Variants in CDH13 observed in about 807,000 individuals in gnomAD.
CDH13 encodes the protein cadherin-13.
A neutral mutation model predicts 63.8 loss-of-function variants in CDH13; 24 were observed. That is an observed-to-expected ratio of 0.38 (90% CI 0.27 to 0.53). The LOEUF (loss-of-function observed/expected upper bound fraction) is 0.53. Among genes scored for constraint, CDH13 ranks in the 20% least tolerant of loss-of-function variants. The probability of loss-of-function intolerance (pLI) is 0.85; values close to 1 mark genes in which losing one functional copy is unlikely to be tolerated. For synonymous variants in CDH13, 503 were observed against 355.3 expected, an observed-to-expected ratio of 1.42 and a Z score of -4.67; for missense variants, 1,049 against 903.1, an observed-to-expected ratio of 1.16 and a Z score of -2.07.
At chr16:83,725,706 C>A (rs1249212140) in intron 10 of CDH13, 1 of 152,226 alleles carries the variant, frequency 6.6e-6, no homozygotes, top group Non-Finnish European at 1.5e-5. Context: ...TGACTAATTT[C>A]TAATGAGAGT....
At chr16:83,552,025 T>C (rs554074113) in intron 7 of CDH13, among the ~76,000 whole-genome samples, 55 of 152,310 alleles carry the variant, frequency 3.6e-4, no homozygotes, top group African/African-American at 1.3e-3. Flanking sequence ...GAATAAGTAA[T>C]TGAATGGATT....
At chr16:82,696,554 A>C (rs948261763) in intron 1 of CDH13, among the ~76,000 whole-genome samples, 14 of 152,208 alleles carry the variant, frequency 9.2e-5, no homozygotes, top group African/African-American at 3.4e-4. Flanking sequence ...TCATTGATTC[A>C]GGTGATAGAA....
intron 4 of CDH13, among the ~76,000 whole-genome samples, chr16:83,132,844 A>G (rs1024027727): frequency 2.0e-5 from 3 of 152,242 alleles, no homozygotes; most frequent in African/African-American, 7.2e-5. Context: ...TCAGTGCTCA[A>G]AAATTCTTCT....
intron 4 of CDH13, among the ~76,000 whole-genome samples, chr16:83,159,865 A>G (rs2037372658): frequency 6.6e-6 from 1 of 152,116 alleles, no homozygotes; most frequent in Non-Finnish European, 1.5e-5. Context: ...ACTTGAGGCC[A>G]GGAGTTCAAG....
intron 5 of CDH13, among the ~76,000 whole-genome samples, chr16:83,251,199 G>A (rs1256831900): frequency 6.6e-6 from 1 of 152,034 alleles, no homozygotes; most frequent in Non-Finnish European, 1.5e-5. Context: ...TGGGTAAAGG[G>A]TATATAGGAT....
intron 10 of CDH13, among the ~76,000 whole-genome samples, chr16:83,706,850 T>C (rs1907144204): frequency 6.6e-6 from 1 of 152,194 alleles, no homozygotes; most frequent in African/African-American, 2.4e-5. Flanking sequence ...GCTCCAAGTA[T>C]TTTCCATCCT....
At chr16:82,813,184 T>C (rs147853014) in intron 1 of CDH13, among the ~76,000 whole-genome samples, 304 of 152,124 alleles carry the variant, frequency 2.0e-3, no homozygotes, top group Non-Finnish European at 3.4e-3. Context: ...GACTGTGAAA[T>C]TGAAATTGGA....
At chr16:82,984,803 ATGCTATG>A in intron 2 of CDH13, among the ~76,000 whole-genome samples, 1 of 152,338 alleles carries the variant, frequency 6.6e-6, no homozygotes, top group East Asian at 1.9e-4. Context: ...CACACATACT[ATGCTATG>A]TGTGTATAAA....
chr16:83,606,950 T>C (rs1241534084), intron 8 of CDH13, among the ~76,000 whole-genome samples: 1 of 151,882 alleles, frequency 6.6e-6, no homozygotes, highest in African/African-American at 2.4e-5. Flanking sequence ...AAATGTCACT[T>C]GAAAACTTCC....
chr16:83,232,227 T>TTTTTAAA (rs3049884), intron 5 of CDH13, among the ~76,000 whole-genome samples: 1 of 67,636 alleles, frequency 1.5e-5, no homozygotes, highest in African/African-American at 5.3e-5. Flanking sequence ...TTTTTTTTTT[T>TTTTTAAA]AAAAAAAAAA....
At chr16:82,879,219 C>A (rs1017107166) in intron 2 of CDH13, among the ~76,000 whole-genome samples, 7 of 152,018 alleles carry the variant, frequency 4.6e-5, no homozygotes, top group African/African-American at 1.2e-4. Flanking sequence ...TGGATGCCAG[C>A]TCTAATACTT....
intron 6 of CDH13, among the ~76,000 whole-genome samples, chr16:83,422,750 A>G (rs116365257): frequency 0.014 from 2,109 of 152,234 alleles, 25 homozygotes; most frequent in Middle Eastern, 0.031. Context: ...AGATTACCCA[A>G]AGTTGCCCCA....
chr16:82,822,646 C>G (rs531691014), intron 1 of CDH13, among the ~76,000 whole-genome samples: 1 of 152,052 alleles, frequency 6.6e-6, no homozygotes, highest in Non-Finnish European at 1.5e-5. Flanking sequence ...AGGTGTGCAC[C>G]GCCACACCTG....
At chr16:83,348,443 C>G (rs184600159) in intron 6 of CDH13, among the ~76,000 whole-genome samples, 4 of 152,286 alleles carry the variant, frequency 2.6e-5, no homozygotes, top group African/African-American at 9.6e-5. Flanking sequence ...TTTTTCTGAG[C>G]CTACATAACC....
chr16:83,774,016 C>G (rs534092429), intron 11 of CDH13, among the ~76,000 whole-genome samples: 55 of 152,332 alleles, frequency 3.6e-4, no homozygotes, highest in Non-Finnish European at 6.9e-4. Flanking sequence ...TCACAAACCT[C>G]CATCAGCACA....
At chr16:83,127,424 C>G (rs998173620) in intron 4 of CDH13, among the ~76,000 whole-genome samples, 7 of 152,182 alleles carry the variant, frequency 4.6e-5, no homozygotes, top group African/African-American at 1.7e-4. Context: ...ACAAAGGTGA[C>G]TTGGACTATT....
chr16:83,010,614 C>G (rs569648532), intron 2 of CDH13, among the ~76,000 whole-genome samples: 5 of 152,180 alleles, frequency 3.3e-5, no homozygotes, highest in African/African-American at 4.8e-5. Flanking sequence ...TTGTAGTTGT[C>G]CAGAATATTT....
At chr16:83,428,096 G>A (rs1479347548) in intron 6 of CDH13, among the ~76,000 whole-genome samples, 3 of 152,152 alleles carry the variant, frequency 2.0e-5, no homozygotes, top group Non-Finnish European at 4.4e-5. Context: ...TTCATAAGTT[G>A]GGGCGAAAGC....
At chr16:82,837,787 C>T (rs531530495) in intron 1 of CDH13, among the ~76,000 whole-genome samples, 5 of 152,156 alleles carry the variant, frequency 3.3e-5, no homozygotes, top group African/African-American at 9.7e-5. Flanking sequence ...TCCTGACTCC[C>T]GGAAGAAAAG....
Sources: gnomAD v4.1 joint callset for allele counts (sites outside exome capture counted in the v4.1 genomes callset) on GRCh38, gnomAD v4.1.1 for gene constraint, MANE v1.5 for transcripts, NCBI Gene and HGNC (gene_info 2026-07-23, HGNC 2026-07-21) for gene names.